TRAPPC9: variants seen among roughly 807,000 people sequenced by gnomAD.
The protein encoded by TRAPPC9 is IKK2 binding protein.
Under a neutral mutation model 124.0 loss-of-function variants are expected in TRAPPC9, and 83 were observed. That is an observed-to-expected ratio of 0.67 (90% CI 0.56 to 0.80). The LOEUF (loss-of-function observed/expected upper bound fraction) is 0.80. Ranked by LOEUF, TRAPPC9 falls within the 30% of genes least tolerant of loss-of-function variation. The pLI is 0.00. For missense variants in TRAPPC9, 1,302 were observed against 1,508.3 expected (o/e 0.86, Z 2.27); for synonymous variants, 638 against 617.5 (o/e 1.03, Z -0.49).
At chr8:140,118,107 C>T (rs537176400) in intron 17 of TRAPPC9, among the ~76,000 whole-genome samples, 3 of 152,278 alleles carry the variant, frequency 2.0e-5, no homozygotes, top group East Asian at 3.9e-4. Flanking sequence ...CTATTAATCC[C>T]ATTTAAATCA....
chr8:140,135,413 A>G (rs1230438759), intron 17 of TRAPPC9, among the ~76,000 whole-genome samples: 1 of 152,248 alleles, frequency 6.6e-6, no homozygotes, highest in Non-Finnish European at 1.5e-5. Context: ...AAACGGATAA[A>G]CAAAATGTGC....
intron 16 of TRAPPC9, among the ~76,000 whole-genome samples, chr8:140,234,413 C>T (rs1238376937): frequency 6.6e-6 from 1 of 152,222 alleles, no homozygotes; most frequent in African/African-American, 2.4e-5. Context: ...CAGGCCATTC[C>T]CTCCAGTACA....
chr8:139,900,973 A>AAAAT (rs1554668199), intron 20 of TRAPPC9, among the ~76,000 whole-genome samples: 2,135 of 118,342 alleles, frequency 0.018, 32 homozygotes, highest in East Asian at 0.08. Flanking sequence ...TCATCTCTCA[A>AAAAT]AAATAAATAA....
Position 140,405,621 on chromosome 8 carries a change from C to T in TRAPPC9, c.964G>A (p.Asp322Asn), listed in dbSNP as rs903698665. The T allele has an allele frequency of 2.5e-6, 4 of 1,614,026 alleles. No homozygotes were observed. In the African/African-American group the frequency reaches 5.3e-5, roughly 22 times the overall value. The change falls in exon 6 of 23, where the codon GAC becomes AAC. Residue 322 changes from aspartate to asparagine, a missense_variant. Asp to Asn is a conservative substitution (Grantham distance 23). Transcript: ENST00000438773. Reference protein sequence around the residue: ...GRAKNCLSPEDIIDKYKEAIS... With the variant: ...GRAKNCLSPENIIDKYKEAIS... ...GCCTCTTTATACTTGTCAATTATGT[C>T]TTCAGGGCTAAGGCAGTTCTTAGCA...
At chr8:140,272,084 T>A (rs993099761) in intron 15 of TRAPPC9, among the ~76,000 whole-genome samples, 26 of 65,786 alleles carry the variant, frequency 4.0e-4, no homozygotes, top group African/African-American at 1.3e-3. Flanking sequence ...TGGTGGTGGT[T>A]GTGTTGATGA....
intron 21 of TRAPPC9, among the ~76,000 whole-genome samples, chr8:139,800,700 G>A (rs1271588473): frequency 6.6e-6 from 1 of 152,094 alleles, no homozygotes; most frequent in Non-Finnish European, 1.5e-5. Flanking sequence ...GCAGGGACTG[G>A]AGCCCAGGAG....
intron 15 of TRAPPC9, among the ~76,000 whole-genome samples, chr8:140,270,737 C>T (rs990759814): frequency 1.6e-4 from 24 of 152,126 alleles, no homozygotes; most frequent in African/African-American, 4.8e-4. Flanking sequence ...GTCAGCATGG[C>T]GTGCCCGGGG....
intron 17 of TRAPPC9, among the ~76,000 whole-genome samples, chr8:140,207,812 T>C (rs553066778): frequency 1.3e-5 from 2 of 152,304 alleles, no homozygotes; most frequent in Admixed American, 1.3e-4. Flanking sequence ...CTAGGCTTCC[T>C]CCAAATAAGC....
intron 17 of TRAPPC9, among the ~76,000 whole-genome samples, chr8:140,159,424 C>T (rs571525174): frequency 1.3e-5 from 2 of 152,302 alleles, no homozygotes; most frequent in South Asian, 4.1e-4. Context: ...CCCTGTATCC[C>T]ACTGCTCTCC....
At chr8:140,148,053 C>T (rs1041650542) in intron 17 of TRAPPC9, among the ~76,000 whole-genome samples, 1 of 152,238 alleles carries the variant, frequency 6.6e-6, no homozygotes, top group Admixed American at 6.5e-5. Context: ...AGCAGTGAAG[C>T]AGACACACCC....
intron 1 of TRAPPC9, among the ~76,000 whole-genome samples, chr8:140,452,850 C>T (rs1270715319): frequency 2.0e-5 from 3 of 152,222 alleles, no homozygotes; most frequent in Non-Finnish European, 2.9e-5. Flanking sequence ...TCTACACGCA[C>T]GATCTGGGTG....
At chr8:140,011,091 G>T (rs4352829) in intron 18 of TRAPPC9, among the ~76,000 whole-genome samples, 99,407 of 151,624 alleles carry the variant, frequency 0.66, 33,329 homozygotes, top group African/African-American at 0.82. Context: ...TGTAATACTG[G>T]CACTTTGGGA....
At chr8:140,272,469 T>C (rs1449347096) in intron 15 of TRAPPC9, among the ~76,000 whole-genome samples, 2 of 151,918 alleles carry the variant, frequency 1.3e-5, no homozygotes, top group East Asian at 3.9e-4. Flanking sequence ...GTGGTAGTGA[T>C]GGTGATGGTG....
intron 19 of TRAPPC9, among the ~76,000 whole-genome samples, chr8:139,926,943 T>A (rs551160643): frequency 6.6e-6 from 1 of 152,140 alleles, no homozygotes. Flanking sequence ...CAAGACTATA[T>A]AAAGAAATCT....
chr8:140,030,732 A>G (rs1269441712), intron 17 of TRAPPC9, among the ~76,000 whole-genome samples: 1 of 152,254 alleles, frequency 6.6e-6, no homozygotes, highest in Non-Finnish European at 1.5e-5. Context: ...AAAACCCCTT[A>G]TTCTGAAAGA....
intron 9 of TRAPPC9, among the ~76,000 whole-genome samples, chr8:140,356,172 C>CAAT (rs1374353596): frequency 2.0e-5 from 3 of 152,182 alleles, no homozygotes; most frequent in African/African-American, 7.2e-5. Context: ...TGCTCATCAA[C>CAAT]AATACATGAA....
chr8:139,917,842 G>A (rs80078640), intron 19 of TRAPPC9, among the ~76,000 whole-genome samples: 2 of 152,200 alleles, frequency 1.3e-5, no homozygotes, highest in Non-Finnish European at 2.9e-5. Flanking sequence ...CCTGAACTCG[G>A]GCACACATGC....
chr8:139,861,039 T>C (rs1186062158), intron 21 of TRAPPC9, among the ~76,000 whole-genome samples: 1 of 152,254 alleles, frequency 6.6e-6, no homozygotes, highest in East Asian at 1.9e-4. Flanking sequence ...CTATATTTTC[T>C]GTCAGGCGGC....
At chr8:140,129,005 T>TATATATATAA (rs1563783126) in intron 17 of TRAPPC9, among the ~76,000 whole-genome samples, 1 of 134,728 alleles carries the variant, frequency 7.4e-6, no homozygotes, top group African/African-American at 2.8e-5. Flanking sequence ...ATATATATAT[T>TATATATATAA]AAAAAAAAAA....
Sources: gnomAD v4.1 joint callset for allele counts (sites outside exome capture counted in the v4.1 genomes callset) on GRCh38, gnomAD v4.1.1 for gene constraint, MANE v1.5 for transcripts, NCBI Gene and HGNC (gene_info 2026-07-23, HGNC 2026-07-21) for gene names.